HOMER1: variants seen among roughly 807,000 people sequenced by gnomAD.
The protein encoded by HOMER1 is homer protein homolog 1.
Under a neutral mutation model 48.9 loss-of-function variants are expected in HOMER1, and 3 were observed. The ratio of observed to expected loss-of-function variants is 0.06; its 90% CI spans 0.03 to 0.16. The LOEUF is 0.16. Among genes scored for constraint, HOMER1 ranks in the 10% least tolerant of loss-of-function variants. The pLI is 1.00. For synonymous variants in HOMER1, 134 were observed against 146.4 expected, an observed-to-expected ratio of 0.92 and a Z score of 0.61; for missense variants, 247 against 411.4, an observed-to-expected ratio of 0.60 and a Z score of 3.46.
chr5:79,477,895 C>A (rs1466113627), intron 1 of HOMER1, among the ~76,000 whole-genome samples: 1 of 151,390 alleles, frequency 6.6e-6, no homozygotes, highest in Non-Finnish European at 1.5e-5. Flanking sequence ...TTATTTTCTC[C>A]TTCCTTGGTA....
At chr5:79,398,897 G>A (rs1206073163) in intron 6 of HOMER1, among the ~76,000 whole-genome samples, 3 of 152,056 alleles carry the variant, frequency 2.0e-5, no homozygotes, top group Non-Finnish European at 2.9e-5. Context: ...GGACCTAACC[G>A]AACCCTTAAC....
intron 8 of HOMER1, among the ~76,000 whole-genome samples, chr5:79,386,514 A>G (rs759735106): frequency 6.6e-6 from 1 of 152,184 alleles, no homozygotes; most frequent in Non-Finnish European, 1.5e-5. Context: ...ATGGCTATAT[A>G]TTTACAGTTA....
chr5:79,510,734 C>A (rs1425911849), intron 1 of HOMER1: 1 of 779,050 alleles, frequency 1.3e-6, no homozygotes. Context: ...ACTGTCCACC[C>A]CAAGCTTGGG....
At chr5:79,397,668 A>C in intron 6 of HOMER1, 31 bp from the exon 7 acceptor site, 1 of 1,328,416 alleles carries the variant, frequency 7.5e-7, no homozygotes, top group Non-Finnish European at 1.1e-6. Context: ...AGATTAACTT[A>C]AATTTCAACT....
Position 79,375,940 on chromosome 5 carries a change from G to C in HOMER1, c.*69C>G. ...TTTTTTTTTGTGCAATCTTGATGCA[G>C]AGCCTAAACAGTCCTATGAAGAGAG... On this transcript the variant is annotated 3_prime_UTR_variant, in exon 9 of 9. Coordinates refer to ENST00000334082, the MANE Select transcript of HOMER1 (RefSeq NM_004272.5). 1.6e-6 allele frequency: 1 copy of C among 618,476 alleles called. No individual in the cohort carries two copies. Among genetic ancestry groups the C allele is most frequent in the Non-Finnish European group, 2.4e-6 (1 of 411,914 alleles). 38.3% of individuals were successfully genotyped at this position (618,476 alleles called of 1,614,324 possible).
chr5:79,415,931 T>C (rs934632758), intron 5 of HOMER1, among the ~76,000 whole-genome samples: 1 of 152,208 alleles, frequency 6.6e-6, no homozygotes, highest in Non-Finnish European at 1.5e-5. Context: ...AGTTTTCTCA[T>C]CTATAAAATT....
At chr5:79,405,121 C>A (rs1160243884) in intron 5 of HOMER1, among the ~76,000 whole-genome samples, 2 of 151,996 alleles carry the variant, frequency 1.3e-5, no homozygotes, top group Admixed American at 1.3e-4. Context: ...GAGACAGAGT[C>A]TTTAAAGAGG....
At chr5:79,433,753 ATAGTTT>A (rs1260992721) in intron 5 of HOMER1, among the ~76,000 whole-genome samples, 1 of 152,220 alleles carries the variant, frequency 6.6e-6, no homozygotes, top group East Asian at 1.9e-4. Context: ...ATTCCTAGTC[ATAGTTT>A]TAGAGTGTTT....
intron 1 of HOMER1, among the ~76,000 whole-genome samples, chr5:79,458,759 C>T (rs1751238702): frequency 6.6e-6 from 1 of 152,066 alleles, no homozygotes; most frequent in Non-Finnish European, 1.5e-5. Flanking sequence ...TGTTTAACTG[C>T]CACTATATAT....
At chr5:79,440,266 C>T (rs1434806060) in intron 4 of HOMER1, among the ~76,000 whole-genome samples, 2 of 152,136 alleles carry the variant, frequency 1.3e-5, no homozygotes, top group Non-Finnish European at 2.9e-5. Context: ...GAATGTTACA[C>T]ATGAAGTGCT....
chr5:79,472,840 C>G (rs1751661196), intron 1 of HOMER1, among the ~76,000 whole-genome samples: 1 of 151,986 alleles, frequency 6.6e-6, no homozygotes. Context: ...ATTCACCTAG[C>G]AAACAGATTT....
intron 1 of HOMER1, among the ~76,000 whole-genome samples, chr5:79,459,521 A>G (rs1334468497): frequency 6.6e-6 from 1 of 152,206 alleles, no homozygotes; most frequent in African/African-American, 2.4e-5. Context: ...CCTGTACTTC[A>G]AAGTCTATAT....
intron 5 of HOMER1, among the ~76,000 whole-genome samples, chr5:79,407,705 A>G (rs1480075148): frequency 6.6e-6 from 1 of 152,256 alleles, no homozygotes; most frequent in Non-Finnish European, 1.5e-5. Context: ...ACTGTCTAAC[A>G]AATGTTTAAC....
intron 5 of HOMER1, among the ~76,000 whole-genome samples, chr5:79,413,810 T>C (rs546252385): frequency 8.7e-4 from 132 of 152,118 alleles, no homozygotes; most frequent in African/African-American, 2.9e-3. Flanking sequence ...TCTTCAACAG[T>C]TTAGGGTCTG....
intron 5 of HOMER1, among the ~76,000 whole-genome samples, chr5:79,427,491 C>A (rs1469062971): frequency 6.6e-6 from 1 of 152,108 alleles, no homozygotes; most frequent in Non-Finnish European, 1.5e-5. Flanking sequence ...CAGGTTCAAG[C>A]GATTCTCATG....
At chr5:79,500,993 C>CACACACACACACACACA (rs1408324948) in intron 1 of HOMER1, among the ~76,000 whole-genome samples, 3 of 145,778 alleles carry the variant, frequency 2.1e-5, no homozygotes, top group African/African-American at 7.7e-5. Context: ...CACACACACA[C>CACACACACACACACACA]AAGGTCTGGC....
chr5:79,498,331 G>A (rs1752482873), intron 1 of HOMER1, among the ~76,000 whole-genome samples: 1 of 152,162 alleles, frequency 6.6e-6, no homozygotes. Context: ...AGGAAGCGGA[G>A]GTTGCAGTGA....
intron 1 of HOMER1, among the ~76,000 whole-genome samples, chr5:79,464,825 T>G (rs1007943056): frequency 6.6e-6 from 1 of 152,196 alleles, no homozygotes; most frequent in East Asian, 1.9e-4. Flanking sequence ...TGTTCTTTTT[T>G]AAAAACCATA....
chr5:79,438,551 G>A (rs1050057267), intron 5 of HOMER1, among the ~76,000 whole-genome samples: 1 of 152,074 alleles, frequency 6.6e-6, no homozygotes, highest in Non-Finnish European at 1.5e-5. Flanking sequence ...GTGAAATCAC[G>A]TGGTGAGATC....
Sources: gnomAD v4.1 joint callset for allele counts (sites outside exome capture counted in the v4.1 genomes callset) on GRCh38, gnomAD v4.1.1 for gene constraint, MANE v1.5 for transcripts, NCBI Gene and HGNC (gene_info 2026-07-23, HGNC 2026-07-21) for gene names.